Variants in LDHB observed in about 807,000 individuals in gnomAD.
LDHB encodes the protein L-lactate dehydrogenase B chain.
A neutral mutation model predicts 33.4 loss-of-function variants in LDHB; 18 were observed. The ratio of observed to expected loss-of-function variants is 0.54; its 90% CI spans 0.37 to 0.80. LDHB has a LOEUF of 0.80. Ranked by LOEUF, LDHB falls within the 30% of genes least tolerant of loss-of-function variation. The pLI, the probability that LDHB is intolerant of heterozygous loss-of-function variation, is 0.00. For synonymous variants in LDHB, 121 were observed against 140.6 expected (o/e 0.86, Z 0.98); for missense variants, 345 against 407.9 (o/e 0.85, Z 1.33).
chr12:21,637,621 G>A (rs1477127406), intron 6 of LDHB, among the ~76,000 whole-genome samples: 1 of 152,030 alleles, frequency 6.6e-6, no homozygotes, highest in Non-Finnish European at 1.5e-5. Flanking sequence ...AAAGGGATAA[G>A]AGTATCTTGC....
intron 3 of LDHB, 139 bp from the exon 4 acceptor site, chr12:21,644,247 G>C (rs1361766776): frequency 3.1e-6 from 2 of 651,134 alleles, no homozygotes; most frequent in East Asian, 5.4e-5. Context: ...TATTGTAAGG[G>C]CTTGAAGTTT....
At chr12:21,652,374 C>A (rs1614040) in intron 2 of LDHB, among the ~76,000 whole-genome samples, 143,916 of 152,290 alleles carry the variant, frequency 0.95, 68,507 homozygotes, top group East Asian at 1. Flanking sequence ...TAAGCATCAG[C>A]CATCTCATCC....
intron 3 of LDHB, 91 bp from the exon 4 acceptor site, chr12:21,644,199 A>C: frequency 2.2e-6 from 2 of 929,374 alleles, no homozygotes; most frequent in Non-Finnish European, 3.4e-6. Context: ...CTAACCATAC[A>C]TAAGCTTCTA....
chr12:21,644,072 AC>A lies in LDHB; in HGVS notation c.283del (p.Val95Ter). 1 of 1,613,538 alleles carries A rather than the reference AC, an allele frequency of 6.2e-7. No individual in the cohort carries two copies. Among genetic ancestry groups the A allele is most frequent in the Non-Finnish European group, 8.5e-7 (1 of 1,179,504 alleles). On this transcript the variant is annotated frameshift_variant, in exon 4 of 8. Transcript: ENST00000350669. LOFTEE classifies it high-confidence loss of function. ...TTCTTGCTGACGGACTCCTGCAGTT[AC>A]CACTACAATCTTAGAATTGGCAGTC... is the stretch of plus-strand genomic sequence containing the variant. ...SVTANSKIVV[V>X]TAGVRQQEGE...
intron 3 of LDHB, among the ~76,000 whole-genome samples, chr12:21,646,009 A>C (rs904832019): frequency 6.6e-6 from 1 of 152,228 alleles, no homozygotes; most frequent in African/African-American, 2.4e-5. Flanking sequence ...ACAATAGCCC[A>C]AAATGTTACA....
At chr12:21,644,437 A>AAC (rs1938465564) in intron 3 of LDHB, among the ~76,000 whole-genome samples, 1 of 142,796 alleles carries the variant, frequency 7.0e-6, no homozygotes, top group Non-Finnish European at 1.5e-5. Flanking sequence ...AAAAAAAAAA[A>AAC]AAAAAAAACA....
At chr12:21,647,040 A>G (rs201490326) in intron 2 of LDHB, 24 bp from the exon 3 acceptor site, 10 of 1,454,120 alleles carry the variant, frequency 6.9e-6, no homozygotes, top group East Asian at 2.3e-5. Flanking sequence ...AACAGGCATT[A>G]GAACCCTAAG....
chr12:21,656,514 G>A (rs4237915), intron 1 of LDHB, among the ~76,000 whole-genome samples: 143,297 of 152,280 alleles, frequency 0.94, 68,010 homozygotes, highest in East Asian at 1. Flanking sequence ...GTTTACGACC[G>A]TTTTGGTATA....
intron 2 of LDHB, among the ~76,000 whole-genome samples, chr12:21,651,320 T>A (rs529053344): frequency 1.3e-5 from 2 of 152,228 alleles, no homozygotes; most frequent in African/African-American, 4.8e-5. Flanking sequence ...TGGAGAGTTT[T>A]AAGTAGCGGA....
chr12:21,655,129 A>G (rs753775848), intron 1 of LDHB, among the ~76,000 whole-genome samples: 4 of 152,116 alleles, frequency 2.6e-5, no homozygotes, highest in Non-Finnish European at 5.9e-5. Flanking sequence ...AAAGGAAAAA[A>G]AGAAAAAAAA....
intron 2 of LDHB, chr12:21,654,299 T>C (rs1380630969): frequency 1.9e-6 from 1 of 515,172 alleles, no homozygotes; most frequent in Non-Finnish European, 3.5e-6. Flanking sequence ...TACTGGATGA[T>C]AGTATTGCAT....
At chr12:21,635,890 A>G (rs754641050) in intron 7 of LDHB, among the ~76,000 whole-genome samples, 181 bp from the exon 8 acceptor site, 1 of 152,142 alleles carries the variant, frequency 6.6e-6, no homozygotes, top group Non-Finnish European at 1.5e-5. Flanking sequence ...AAAGGGGGGA[A>G]AAAAGAGAAT....
chr12:21,646,782 C>G (rs1296670382), intron 3 of LDHB, 117 bp downstream of exon 3: 1 of 734,584 alleles, frequency 1.4e-6, no homozygotes, highest in Non-Finnish European at 2.5e-6. Context: ...ATAACTGTTC[C>G]AAAACTTCAA....
At chr12:21,656,189 G>C (rs1269676009) in intron 1 of LDHB, among the ~76,000 whole-genome samples, 1 of 152,156 alleles carries the variant, frequency 6.6e-6, no homozygotes, top group Non-Finnish European at 1.5e-5. Context: ...ATCTGAATTT[G>C]GAGACAACTG....
rs542411659 is a variant in LDHB, at chr12:21,635,637, C to T, written c.910G>A (p.Val304Ile). 18 of 1,613,594 alleles carry T rather than the reference C, an allele frequency of 1.1e-5. No homozygotes were observed. The highest frequency in any genetic ancestry group is 4.0e-5 in the African/African-American group (3 of 74,988). Residue 304 changes from valine to isoleucine, a missense_variant, in exon 8 of 8, where the codon GTT (valine) becomes ATT (isoleucine). Coordinates refer to ENST00000350669, the MANE Select transcript of LDHB (RefSeq NM_002300.8). Reference sequence around the variant, plus strand: ...TCATCCTTTAGCTTCTGGTTGATAACGCTGGTTAATCCCCGGGCATTGAGG... The same window carrying T: ...TCATCCTTTAGCTTCTGGTTGATAATGCTGGTTAATCCCCGGGCATTGAGG... The part of the protein sequence containing the change: ...CILNARGLTS[V>I]INQKLKDDEV...
chr12:21,651,556 A>C (rs1396435445), intron 2 of LDHB, among the ~76,000 whole-genome samples: 1 of 152,188 alleles, frequency 6.6e-6, no homozygotes, highest in East Asian at 1.9e-4. Flanking sequence ...CTATGAGCTC[A>C]AAAAGGCCAG....
Position 21,637,172 on chromosome 12 carries a change from T to C in LDHB, c.736A>G (p.Lys246Glu). The C allele has an allele frequency of 6.2e-7, 1 of 1,602,656 alleles. No individual in the cohort carries two copies. The highest frequency in any genetic ancestry group is 8.5e-7 in the Non-Finnish European group (1 of 1,170,688). The change falls in exon 7 of 8, where the codon AAA becomes GAA. Residue 246 changes from lysine (K) to glutamate (E), a missense_variant. Coordinates refer to ENST00000350669, the MANE Select transcript of LDHB (RefSeq NM_002300.8). ...CCAATAGCCCAGTTGGTATATCCTT[T>C]TAGCTTGATGACTTCATAGGCACTT... ...VESAYEVIKL[K>E]GYTNWAIGLS...
intron 2 of LDHB, among the ~76,000 whole-genome samples, chr12:21,651,727 T>A (rs1938696514): frequency 6.6e-6 from 1 of 152,236 alleles, no homozygotes; most frequent in African/African-American, 2.4e-5. Flanking sequence ...ATTAAGCTAG[T>A]GGGATTTCTA....
In LDHB at chr12:21,644,036, C is replaced by T. The variant is rs772410108; in HGVS notation, c.320G>A (p.Arg107Gln). 11 of 1,612,456 alleles carry T rather than the reference C, an allele frequency of 6.8e-6. No homozygotes were observed. Among genetic ancestry groups the T allele is most frequent in the South Asian group, 2.2e-5 (2 of 91,048 alleles). ...AACATTTCTCTGCACCAGATTGAGC[C>T]GACTCTCCCCTTCTTGCTGACGGAC... ...AGVRQQEGES[R>Q]LNLVQRNVNV... The change falls in exon 4 of 8, where the codon CGG becomes CAG. Residue 107 changes from arginine to glutamine, a missense_variant. Transcript: ENST00000350669.
Sources: allele counts gnomAD v4.1 joint callset (sites outside exome capture counted in the v4.1 genomes callset), GRCh38; gene constraint gnomAD v4.1.1; transcripts MANE v1.5; gene names NCBI Gene and HGNC (gene_info 2026-07-23, HGNC 2026-07-21).